The following PTGFR variants were observed in gnomAD, a reference collection of about 807,000 sequenced individuals.
PTGFR encodes prostaglandin F2-alpha receptor.
In PTGFR, 15 loss-of-function variants were observed where a neutral mutation model predicts 26.2. The ratio of observed to expected loss-of-function variants is 0.57; its 90% CI spans 0.38 to 0.88. The LOEUF (loss-of-function observed/expected upper bound fraction) is 0.88, where lower values mean the gene tolerates loss of function less well. Among genes scored for constraint, PTGFR ranks in the 40% least tolerant of loss-of-function variants. PTGFR has a pLI of 0.00. For missense variants in PTGFR, 369 were observed against 427.2 expected, an observed-to-expected ratio of 0.86 and a Z score of 1.20; for synonymous variants, 165 against 151.1, an observed-to-expected ratio of 1.09 and a Z score of -0.68.
chr1:78,520,131 T>G (rs1010837038), intron 2 of PTGFR, among the ~76,000 whole-genome samples: 5 of 152,096 alleles, frequency 3.3e-5, no homozygotes, highest in Non-Finnish European at 5.9e-5. Flanking sequence ...TTTGGGATTT[T>G]GGGTTTGCGC....
intron 2 of PTGFR, among the ~76,000 whole-genome samples, chr1:78,497,659 G>T (rs777201506): frequency 1.3e-5 from 2 of 152,124 alleles, no homozygotes; most frequent in Non-Finnish European, 2.9e-5. Flanking sequence ...CTTGTTGACT[G>T]GTTGACTGTA....
In PTGFR at chr1:78,536,735, T is replaced by C. The variant is rs779034986; in HGVS notation, c.*48T>C. On this transcript the variant is annotated 3_prime_UTR_variant, in exon 3 of 3. Coordinates refer to ENST00000370757, the MANE Select transcript of PTGFR (RefSeq NM_000959.4). ...GTGGGGCTAGAACAAAATTAAGACA[T>C]GTTTGGCAATATTTCAGTTAGTTAA... 5 of 1,545,012 alleles carry C rather than the reference T, an allele frequency of 3.2e-6. No homozygotes were observed. The highest frequency in any genetic ancestry group is 2.0e-5 in the Admixed American group (1 of 50,288).
chr1:78,496,919 C>A (rs1172278147), intron 2 of PTGFR, among the ~76,000 whole-genome samples: 1 of 103,786 alleles, frequency 9.6e-6, no homozygotes. Context: ...TTATTAATAT[C>A]TTGCTTTGTT....
chr1:78,528,156 G>A (rs530871), intron 2 of PTGFR, among the ~76,000 whole-genome samples: 51,429 of 151,554 alleles, frequency 0.34, 9,298 homozygotes, highest in African/African-American at 0.47. Context: ...TCAGAGATTT[G>A]ACCCATAGGC....
chr1:78,536,360 T>C, intron 2 of PTGFR, 46 bp from the exon 3 acceptor site: 1 of 1,544,678 alleles, frequency 6.5e-7, no homozygotes. Context: ...AATTATAGGA[T>C]TGAAAAGGCT....
intron 2 of PTGFR, among the ~76,000 whole-genome samples, chr1:78,494,579 G>T (rs1336282774): frequency 6.6e-6 from 1 of 152,150 alleles, no homozygotes; most frequent in African/African-American, 2.4e-5. Flanking sequence ...CATTGCCCAA[G>T]AATTGTTGCT....
chr1:78,519,459 T>A (rs1436385274), intron 2 of PTGFR, among the ~76,000 whole-genome samples: 2 of 152,158 alleles, frequency 1.3e-5, no homozygotes, highest in East Asian at 3.9e-4. Flanking sequence ...CTGGTAAGCA[T>A]CCAGTGAAAG....
chr1:78,527,777 A>G (rs1449233847), intron 2 of PTGFR, among the ~76,000 whole-genome samples: 3 of 152,168 alleles, frequency 2.0e-5, no homozygotes, highest in Non-Finnish European at 4.4e-5. Context: ...GAGAGAAATG[A>G]GTCATGGTTT....
At chr1:78,525,331 T>C (rs1340951503) in intron 2 of PTGFR, among the ~76,000 whole-genome samples, 2 of 152,028 alleles carry the variant, frequency 1.3e-5, no homozygotes, top group African/African-American at 4.8e-5. Flanking sequence ...GGTTTCCCAC[T>C]ACCCTCTTGA....
intron 2 of PTGFR, among the ~76,000 whole-genome samples, chr1:78,519,898 T>G (rs575611513): frequency 6.6e-6 from 1 of 152,272 alleles, no homozygotes; most frequent in East Asian, 1.9e-4. Context: ...AAATTGCAAC[T>G]CTTCTCTTTT....
rs1052645238 is a variant in PTGFR, at chr1:78,492,680, A to G, written c.-64A>G. ...CTCCCTTTATCCTACAGATGTCTGG[A>G]CTGCAATCCTGCACAGTTTTGAGAG... On this transcript the variant is annotated 5_prime_UTR_variant, in exon 2 of 3. Coordinates refer to ENST00000370757, the MANE Select transcript of PTGFR (RefSeq NM_000959.4). The G allele has an allele frequency of 5.5e-6, 8 of 1,446,824 alleles. No individual in the cohort carries two copies. The highest frequency in any genetic ancestry group is 6.6e-6 in the Non-Finnish European group (7 of 1,061,488). 89.6% of individuals were successfully genotyped at this position (1,446,824 alleles called of 1,614,324 possible).
At chr1:78,530,125 A>G (rs1473116458) in intron 2 of PTGFR, among the ~76,000 whole-genome samples, 1 of 152,222 alleles carries the variant, frequency 6.6e-6, no homozygotes, top group African/African-American at 2.4e-5. Flanking sequence ...AAGAAGGAAG[A>G]TAAAAGGTAC....
At chr1:78,514,102 C>T (rs531730450) in intron 2 of PTGFR, among the ~76,000 whole-genome samples, 1 of 152,338 alleles carries the variant, frequency 6.6e-6, no homozygotes, top group African/African-American at 2.4e-5. Context: ...TTGGAGCTCC[C>T]ACACAGAGTC....
At chr1:78,528,051 C>A (rs1179379749) in intron 2 of PTGFR, among the ~76,000 whole-genome samples, 5 of 151,808 alleles carry the variant, frequency 3.3e-5, no homozygotes, top group Admixed American at 3.3e-4. Flanking sequence ...GTAGAGGAGA[C>A]AGATTGGCAC....
chr1:78,519,169 GA>G (rs1650166356), intron 2 of PTGFR, among the ~76,000 whole-genome samples: 1 of 152,100 alleles, frequency 6.6e-6, no homozygotes, highest in Admixed American at 6.6e-5. Context: ...TGACTACACT[GA>G]AACCATCTCT....
chr1:78,496,152 C>T (rs929733969), intron 2 of PTGFR, among the ~76,000 whole-genome samples: 1 of 152,106 alleles, frequency 6.6e-6, no homozygotes, highest in African/African-American at 2.4e-5. Flanking sequence ...GACACAAGTG[C>T]CTTGGGGATT....
At chr1:78,501,077 A>T (rs570028127) in intron 2 of PTGFR, among the ~76,000 whole-genome samples, 1 of 152,280 alleles carries the variant, frequency 6.6e-6, no homozygotes, top group South Asian at 2.1e-4. Context: ...CTTACAAAAC[A>T]TTACTTGAAT....
chr1:78,511,406 G>T (rs1312365978), intron 2 of PTGFR, among the ~76,000 whole-genome samples: 2 of 152,222 alleles, frequency 1.3e-5, no homozygotes, highest in East Asian at 3.9e-4. Flanking sequence ...AAAATGCCAA[G>T]GCTTATGGCT....
intron 2 of PTGFR, among the ~76,000 whole-genome samples, chr1:78,535,816 A>G (rs1650636783): frequency 6.6e-6 from 1 of 152,170 alleles, no homozygotes; most frequent in African/African-American, 2.4e-5. Flanking sequence ...CCTTTCCTCA[A>G]AGTCCTTAGA....
Sources: gnomAD v4.1 joint callset for allele counts (sites outside exome capture counted in the v4.1 genomes callset) on GRCh38, gnomAD v4.1.1 for gene constraint, MANE v1.5 for transcripts, NCBI Gene and HGNC (gene_info 2026-07-23, HGNC 2026-07-21) for gene names.